CARD10: variants seen among roughly 807,000 people sequenced by gnomAD.
CARD10 encodes the protein caspase recruitment domain-containing protein 10.
Under a neutral mutation model 114.6 loss-of-function variants are expected in CARD10, and 49 were observed. The ratio of observed to expected loss-of-function variants is 0.43; its 90% CI spans 0.34 to 0.54. CARD10 has a LOEUF of 0.54. Among genes scored for constraint, CARD10 ranks in the 20% least tolerant of loss-of-function variants. CARD10 has a pLI of 0.03. For synonymous variants in CARD10, 602 were observed against 593.2 expected (o/e 1.01, Z -0.21); for missense variants, 1,206 against 1,397.2 (o/e 0.86, Z 2.18).
chr22:37,496,800 G>A lies in CARD10; in HGVS notation c.1947+219C>T, dbSNP rs532713350. 1.5e-6 allele frequency: 1 copy of A among 653,732 alleles called. No homozygotes were observed. The highest frequency in any genetic ancestry group is 2.7e-5 in the East Asian group (1 of 36,522). 40.5% of individuals were successfully genotyped at this position (653,732 alleles called of 1,614,324 possible). A position where few individuals can be genotyped will look rare whatever the true frequency, so the allele number is the denominator to read the frequency against. Reference sequence around the variant, plus strand: ...CTTTCTCGACTTGAAGCGCAGGAATGTAACGTGCTGTCAGTTGGCTCCACC... The same window carrying A: ...CTTTCTCGACTTGAAGCGCAGGAATATAACGTGCTGTCAGTTGGCTCCACC... On this transcript the variant is annotated intron_variant, in intron 12 of 19. Transcript: ENST00000251973. The surrounding 1 kb of genome is among the most constrained non-coding windows in gnomAD (Gnocchi z 4.1).
At position 37,507,951 on chromosome 22, in the gene CARD10, G is replaced by T. The variant is rs908728394; in HGVS notation, c.1069C>A (p.Leu357Met). The T allele has an allele frequency of 5.0e-6, 8 of 1,614,016 alleles. No individual in the cohort carries two copies. The highest frequency in any genetic ancestry group is 5.9e-6 in the Non-Finnish European group (7 of 1,180,016). ...QWAEELRDQYLQEMEDLRLKH... is the reference protein window; with the variant it reads ...QWAEELRDQYMQEMEDLRLKH... Reference sequence around the variant, plus strand: ...AGCCGCAGGTCTTCCATCTCCTGCAGGTACTGAGGGTGGCACGGGGCGGGG... The same window carrying T: ...AGCCGCAGGTCTTCCATCTCCTGCATGTACTGAGGGTGGCACGGGGCGGGG... The change falls in exon 6 of 20, where the codon CTG becomes ATG. Residue 357 changes from leucine to methionine, a missense_variant. By Grantham distance (15) the Leu-to-Met change is conservative (BLOSUM62 2). Transcript: ENST00000251973.
chr22:37,493,488 G>A, intron 16 of CARD10, among the ~76,000 whole-genome samples: 1 of 152,150 alleles, frequency 6.6e-6, no homozygotes, highest in East Asian at 1.9e-4. Flanking sequence ...CGTCCCCAAT[G>A]CCTGACAGAG....
In CARD10 at chr22:37,490,864, C is replaced by A; in HGVS notation, c.*295G>T. ...ACAGGTGTGAGAACAGACTCCAGGG[C>A]GAGTGTTTAAGGAGAAGACACAGAC... On this transcript the variant is annotated 3_prime_UTR_variant, in exon 20 of 20. Transcript: ENST00000251973. The A allele has an allele frequency of 2.2e-6, 1 of 452,828 alleles. No homozygotes were observed. The highest frequency in any genetic ancestry group is 4.0e-6 in the Non-Finnish European group (1 of 251,596). 28.1% of individuals were successfully genotyped at this position (452,828 alleles called of 1,614,324 possible).
intron 3 of CARD10, among the ~76,000 whole-genome samples, chr22:37,515,097 T>C (rs1923791127): frequency 6.6e-6 from 1 of 152,226 alleles, no homozygotes; most frequent in Non-Finnish European, 1.5e-5. Flanking sequence ...TTCACTAATC[T>C]GAGTCTCAGA....
chr22:37,516,165 T>C lies in CARD10; in HGVS notation c.507A>G (p.Ala169=). The part of the protein sequence containing the change: ...ARGRVLEEER[A]GLEQRLRDQQ... ...GGTCCCGCAGCCGCTGCTCCAGCCC[T>C]GCCCGCTCCTCCTCGAGCACCCGGC... The change falls in exon 3 of 20, where the codon GCA becomes GCG. Residue 169 remains alanine, a synonymous_variant. Transcript: ENST00000251973. 7 of 1,593,930 alleles carry C rather than the reference T, an allele frequency of 4.4e-6. No individual in the cohort carries two copies. Among genetic ancestry groups the C allele is most frequent in the Non-Finnish European group, 5.1e-6 (6 of 1,170,762 alleles).
At chr22:37,499,065 C>A (rs1281897674) in intron 11 of CARD10, among the ~76,000 whole-genome samples, 2 of 152,122 alleles carry the variant, frequency 1.3e-5, no homozygotes, top group East Asian at 3.9e-4. Flanking sequence ...AAGTACAATG[C>A]TATCCCCCAC....
chr22:37,500,331 G>T (rs1923166389), intron 11 of CARD10, among the ~76,000 whole-genome samples: 1 of 152,166 alleles, frequency 6.6e-6, no homozygotes, highest in African/African-American at 2.4e-5. Context: ...TGAGCGAGCT[G>T]GGCAGTGGTG....
At chr22:37,491,926 C>A (rs527925444) in intron 18 of CARD10, 59 bp from the exon 19 acceptor site, 15 of 1,192,312 alleles carry the variant, frequency 1.3e-5, no homozygotes, top group South Asian at 4.9e-5. Flanking sequence ...GCCTCCCATG[C>A]GCTGCCCCCA....
At chr22:37,514,137 G>A (rs1043663717) in intron 3 of CARD10, among the ~76,000 whole-genome samples, 1 of 151,240 alleles carries the variant, frequency 6.6e-6, no homozygotes, top group African/African-American at 2.4e-5. Flanking sequence ...TTCAATCCCA[G>A]GACATTGGGA....
chr22:37,518,869 G>T (rs1923931273), intron 1 of CARD10, 97 bp downstream of exon 1: 1 of 1,379,488 alleles, frequency 7.2e-7, no homozygotes, highest in African/African-American at 1.5e-5. Context: ...CGAGCCCCAG[G>T]GCAGCAGAGC....
chr22:37,505,093 G>A (rs1448037672), intron 7 of CARD10, among the ~76,000 whole-genome samples: 2 of 152,156 alleles, frequency 1.3e-5, no homozygotes, highest in African/African-American at 4.8e-5. Flanking sequence ...GGTCAAGCTG[G>A]GATGGTCCAG....
Position 37,506,244 on chromosome 22 carries a change from T to C in CARD10, c.1331A>G (p.Lys444Arg), listed in dbSNP as rs1199153035. The stretch of plus-strand genomic sequence containing the variant: ...CTGCAGCTGAACCTCCAGCAGAGCC[T>C]TGGTGCCCTCCAGGCTGGTGAGCGT... ...LTTLTSLEGT[K>R]ALLEVQLQRA... The change falls in exon 7 of 20, where the codon AAG becomes AGG. Residue 444 changes from lysine to arginine, a missense_variant. Lys to Arg is a conservative substitution (Grantham distance 26). Coordinates refer to ENST00000251973, the MANE Select transcript of CARD10 (RefSeq NM_014550.4). 2 of 1,606,724 alleles carry C rather than the reference T, an allele frequency of 1.2e-6. No individual in the cohort carries two copies. The highest frequency in any genetic ancestry group is 1.3e-5 in the African/African-American group (1 of 74,780).
chr22:37,519,415 TGCCCGTGGCGCCCCCGGCTCC>T (rs1030132620), upstream of CARD10: 2 of 1,159,092 alleles, frequency 1.7e-6, no homozygotes, highest in African/African-American at 3.2e-5. This position sits in a 1 kb window ranked among gnomAD's most constrained non-coding sequence, Gnocchi z 4.1. Flanking sequence ...AGGGGGGCGG[TGCCCGTGGCGCCCCCGGCTCC>T]GCCCCCGTCC....
At position 37,499,543 on chromosome 22, in the gene CARD10, TC is replaced by T. The variant is rs564533538; in HGVS notation, c.1788-2366del. Among the ~76,000 whole-genome samples the T allele has an allele frequency of 2.1e-4, 28 of 133,054 alleles. No homozygotes were observed. The South Asian group carries it at 5.9e-3, about 28-fold the overall frequency. The allele number at this position is 133,054 out of a possible 152,430, so 87.3% of individuals were successfully genotyped here. ...CTACTCGCTCCCTCCTCCACACCTC[TC>T]CCCTCTGCAATGCAAGCATCAAGGC... On this transcript the variant is annotated intron_variant, in intron 11 of 19. Coordinates refer to ENST00000251973, the MANE Select transcript of CARD10 (RefSeq NM_014550.4).
intron 5 of CARD10, 65 bp downstream of exon 5, chr22:37,508,462 C>T (rs1055032800): frequency 1.6e-5 from 23 of 1,463,274 alleles, no homozygotes; most frequent in Admixed American, 1.3e-4. Context: ...TCAGGGAAGG[C>T]GTGAGCACAC....
chr22:37,503,843 G>A lies in CARD10; in HGVS notation c.1634+343C>T, dbSNP rs544421200. Among the ~76,000 whole-genome samples the A allele has an allele frequency of 8.5e-5, 13 of 152,260 alleles. 1 individual carries two copies. The East Asian group carries it at 1.2e-3, about 14-fold the overall frequency. On this transcript the variant is annotated intron_variant, in intron 9 of 19. Transcript: ENST00000251973. ...AAACCTGGGGCCTGGCTTTCTTGCC[G>A]GAGGTCCCTGATACCTTGAAACATT...
chr22:37,500,198 G>A (rs1923162144), intron 11 of CARD10, among the ~76,000 whole-genome samples: 1 of 152,204 alleles, frequency 6.6e-6, no homozygotes, highest in African/African-American at 2.4e-5. Flanking sequence ...AAGGGAAACT[G>A]AGGCACAGGA....
chr22:37,504,223 G>A lies in CARD10; in HGVS notation c.1597C>T (p.Arg533Cys), dbSNP rs1346492547. Residue 533 changes from arginine (R) to cysteine (C), a missense_variant, in exon 9 of 20, where the codon CGC (arginine) becomes TGC (cysteine). By Grantham distance (180) the Arg-to-Cys change is radical. Coordinates refer to ENST00000251973, the MANE Select transcript of CARD10 (RefSeq NM_014550.4). ...PFPPSAGSIL[R>C]RQREEDPAPP... ...GCGGGGTCTTCCTCACGCTGCCGGC[G>A]GAGGATGGAGCCGGCACTGGGGGGG... is the stretch of plus-strand genomic sequence containing the variant. The A allele has an allele frequency of 1.5e-5, 24 of 1,576,016 alleles. No homozygotes were observed. The highest frequency in any genetic ancestry group is 2.7e-5 in the African/African-American group (2 of 74,280).
In CARD10 at chr22:37,516,216, C is replaced by T; in HGVS notation, c.456G>A (p.Gln152=). ...RLREARKSQL[Q]REQQLQARGR... ...CCCGGGCCTGCAGTTGCTGCTCCCGCTGCAGCTGGCTCTTGCGAGCTTCCC... is the reference window on the plus strand; with the variant it reads ...CCCGGGCCTGCAGTTGCTGCTCCCGTTGCAGCTGGCTCTTGCGAGCTTCCC... The change falls in exon 3 of 20, where the codon CAG becomes CAA. Residue 152 remains glutamine, a synonymous_variant. Transcript: ENST00000251973. 1 of 1,601,944 alleles carries T rather than the reference C, an allele frequency of 6.2e-7. No homozygotes were observed. Among genetic ancestry groups the T allele is most frequent in the Non-Finnish European group, 8.5e-7 (1 of 1,175,458 alleles).
Sources: allele counts gnomAD v4.1 joint callset (sites outside exome capture counted in the v4.1 genomes callset), GRCh38; gene constraint gnomAD v4.1.1; non-coding constraint Gnocchi (gnomAD v3.1); transcripts MANE v1.5; gene names NCBI Gene and HGNC (gene_info 2026-07-23, HGNC 2026-07-21).